The following ZGRF1 variants were observed in gnomAD, a reference collection of about 807,000 sequenced individuals.
ZGRF1 encodes the protein 5'-3' DNA helicase ZGRF1.
In ZGRF1, 196 loss-of-function variants were observed where a neutral mutation model predicts 203.5. That is an observed-to-expected ratio of 0.96 (90% CI 0.86 to 1.08). ZGRF1 has a LOEUF of 1.08. Among genes scored for constraint, ZGRF1 ranks in the 50% least tolerant of loss-of-function variants. ZGRF1 has a pLI of 0.00. For missense variants in ZGRF1, 2,326 were observed against 2,416.3 expected (o/e 0.96, Z 0.78); for synonymous variants, 809 against 841.3 (o/e 0.96, Z 0.66).
intron 17 of ZGRF1, among the ~76,000 whole-genome samples, 200 bp from the exon 18 acceptor site, chr4:112,562,685 T>G (rs1373516512): frequency 6.6e-6 from 1 of 152,218 alleles, no homozygotes; most frequent in East Asian, 1.9e-4. Flanking sequence ...TTATAATGGG[T>G]ATGCATAAAC....
chr4:112,553,960 CAT>C lies in ZGRF1; in HGVS notation c.5219_5220del (p.Asn1740ArgfsTer3). 1 of 1,608,728 alleles carries C rather than the reference CAT, an allele frequency of 6.2e-7. No homozygotes were observed. The highest frequency in any genetic ancestry group is 8.5e-7 in the Non-Finnish European group (1 of 1,178,634). ...TGTAGTTCTTTTAACTGTTCACTTTCATTTTCTGAGCCAGCATGCAAGCTAAA... is the reference window on the plus strand; with the variant it reads ...TGTAGTTCTTTTAACTGTTCACTTTCTTTCTGAGCCAGCATGCAAGCTAAA... The part of the protein sequence containing the change: ...LPYSLHAGSE[N>X]ESEQLKELHA... On this transcript the variant is annotated frameshift_variant, in exon 22 of 28. Transcript: ENST00000505019. LOFTEE classifies it high-confidence loss of function.
rs1470620138 is a variant in ZGRF1, at chr4:112,579,720, G to A, written c.4438+1943C>T. ...CCTAGGAATCCAACTTACAAGGGAC[G>A]TGAAGGACCTCTTCAAGGAGAACTA... On this transcript the variant is annotated intron_variant, in intron 16 of 27. Transcript: ENST00000505019. 6.6e-5 allele frequency among the ~76,000 whole-genome samples: 8 copies of A among 121,032 alleles called. 2 individuals carry two copies. Among genetic ancestry groups the A allele is most frequent in the East Asian group, 4.9e-4 (2 of 4,090 alleles). 79.4% of individuals were successfully genotyped at this position (121,032 alleles called of 152,430 possible).
Position 112,618,297 on chromosome 4 carries a change from TCA to T in ZGRF1, c.1743_1744del (p.Cys581Ter), listed in dbSNP as rs766132205. 30 of 1,613,820 alleles carry T rather than the reference TCA, an allele frequency of 1.9e-5. No individual in the cohort carries two copies. Among genetic ancestry groups the T allele is most frequent in the Non-Finnish European group, 2.4e-5 (28 of 1,179,906 alleles). The stretch of plus-strand genomic sequence containing the variant: ...TGGCAAATGTTCACCCTCAATCTCT[TCA>T]CAGTTTGTATTCTCAGACCTCTTTT... On this transcript the variant is annotated stop_gained and frameshift_variant, in exon 6 of 28. Transcript: ENST00000505019. LOFTEE classifies it high-confidence loss of function.
rs1207619216 is a variant in ZGRF1 at position 112,618,543 on chromosome 4, G to A, written c.1499C>T (p.Thr500Ile). Residue 500 changes from threonine (T) to isoleucine (I), a missense_variant, in exon 6 of 28, where the codon ACA (threonine) becomes ATA (isoleucine). Transcript: ENST00000505019. The part of the protein sequence containing the change: ...SNNSRISDDI[T>I]DMISESKMDN... ...CATTTTACTTTCAGAAATCATGTCT[G>A]TAATGTCATCAGAGATCCTAGAATT... The A allele has an allele frequency of 2.5e-6, 4 of 1,613,140 alleles. No homozygotes were observed. The Admixed American group carries it at 6.7e-5, about 27-fold the overall frequency.
intron 22 of ZGRF1, among the ~76,000 whole-genome samples, chr4:112,553,184 T>C (rs1740276234): frequency 6.6e-6 from 1 of 152,346 alleles, no homozygotes; most frequent in Non-Finnish European, 1.5e-5. Flanking sequence ...TTTCTTTTAC[T>C]CCATCCCCAT....
chr4:112,608,710 C>T (rs542218641), intron 8 of ZGRF1, among the ~76,000 whole-genome samples: 1 of 152,086 alleles, frequency 6.6e-6, no homozygotes, highest in African/African-American at 2.4e-5. Flanking sequence ...TTTGTAGTTG[C>T]CAATTGTTTA....
intron 3 of ZGRF1, among the ~76,000 whole-genome samples, chr4:112,626,687 A>G (rs557725019): frequency 1.3e-5 from 2 of 152,326 alleles, no homozygotes; most frequent in East Asian, 3.9e-4. Context: ...AATACCATCT[A>G]AAAGCCAAGG....
At chr4:112,626,093 G>A (rs1315363910) in intron 3 of ZGRF1, among the ~76,000 whole-genome samples, 1 of 152,074 alleles carries the variant, frequency 6.6e-6, no homozygotes, top group Non-Finnish European at 1.5e-5. Flanking sequence ...TTTGCATAGG[G>A]CTGGGGGCTG....
intron 16 of ZGRF1, among the ~76,000 whole-genome samples, chr4:112,576,381 C>A (rs1011061468): frequency 6.6e-6 from 1 of 152,204 alleles, no homozygotes; most frequent in Non-Finnish European, 1.5e-5. Flanking sequence ...CTCTCCTCCT[C>A]CAAAGGAACG....
intron 2 of ZGRF1, among the ~76,000 whole-genome samples, chr4:112,632,792 G>A (rs2047454515): frequency 6.6e-6 from 1 of 152,124 alleles, no homozygotes; most frequent in Non-Finnish European, 1.5e-5. Flanking sequence ...TACAGAAGAC[G>A]GATGCCAGTT....
intron 19 of ZGRF1, among the ~76,000 whole-genome samples, chr4:112,560,302 T>C (rs1741722088): frequency 6.6e-6 from 1 of 152,186 alleles, no homozygotes; most frequent in Admixed American, 6.5e-5. Context: ...CAGTTTCTGT[T>C]ATGACCTCCA....
chr4:112,583,149 G>A (rs1340619086), intron 15 of ZGRF1, among the ~76,000 whole-genome samples: 4 of 152,048 alleles, frequency 2.6e-5, no homozygotes, highest in East Asian at 1.9e-4. Flanking sequence ...TAATTCATGC[G>A]AAGTGCCTAG....
chr4:112,547,994 T>G (rs62316566), intron 23 of ZGRF1, among the ~76,000 whole-genome samples: 1 of 152,008 alleles, frequency 6.6e-6, no homozygotes. Context: ...CAGGCTGGAG[T>G]GCAGTCGTTC....
In ZGRF1 at chr4:112,623,810, A is replaced by G. The variant is rs1231654053; in HGVS notation, c.162+7T>C. Reference sequence around the variant, plus strand: ...AACTTAAAAATAAGATAAACACACTAAAATACCTCAAGGCATTTAAGAAAC... The same window carrying G: ...AACTTAAAAATAAGATAAACACACTGAAATACCTCAAGGCATTTAAGAAAC... On this transcript the variant is annotated splice_region_variant and intron_variant, in intron 4 of 27. Transcript: ENST00000505019. 1.3e-6 allele frequency: 2 copies of G among 1,484,544 alleles called. No homozygotes were observed. The highest frequency in any genetic ancestry group is 1.7e-4 in the Middle Eastern group (1 of 5,790). The allele number at this position is 1,484,544 out of a possible 1,614,324, so 92.0% of individuals were successfully genotyped here.
chr4:112,634,384 G>C (rs186541181), intron 1 of ZGRF1, among the ~76,000 whole-genome samples: 109 of 152,248 alleles, frequency 7.2e-4, no homozygotes, highest in African/African-American at 2.4e-3. Flanking sequence ...AACAAGAATT[G>C]CAGGCCTGTG....
intron 24 of ZGRF1, among the ~76,000 whole-genome samples, chr4:112,547,036 G>A (rs1332626145): frequency 6.6e-6 from 1 of 151,808 alleles, no homozygotes; most frequent in Non-Finnish European, 1.5e-5. Context: ...AGGTTTTTTT[G>A]GTTTTAGAGC....
At chr4:112,566,760 G>A (rs546164387) in intron 16 of ZGRF1, among the ~76,000 whole-genome samples, 2 of 152,014 alleles carry the variant, frequency 1.3e-5, no homozygotes, top group East Asian at 3.9e-4. Context: ...TTGTGTCCCT[G>A]AAGTGATTTT....
chr4:112,560,599 G>T, intron 19 of ZGRF1, 134 bp downstream of exon 19: 1 of 707,208 alleles, frequency 1.4e-6, no homozygotes. Context: ...TTACCAAAGT[G>T]GGTACAGGTT....
rs1481340019 is a variant in ZGRF1, at chr4:112,609,403, T to G, written c.2694A>C (p.Leu898=). Residue 898 remains leucine (L), a synonymous_variant, in exon 8 of 28, where the codon CTA becomes CTC. Transcript: ENST00000505019. The part of the protein sequence containing the change: ...QQILKEDEVE[L]SEPLQSVQFS... The stretch of plus-strand genomic sequence containing the variant: ...CCTGCACAGACTGAAGTGGTTCACT[T>G]AGTTCAACTTCATCTTCTTTTAGTA... 6.3e-7 allele frequency: 1 copy of G among 1,579,266 alleles called. No homozygotes were observed. The highest frequency in any genetic ancestry group is 1.4e-5 in the African/African-American group (1 of 73,944).
Sources: gnomAD v4.1 joint callset for allele counts (sites outside exome capture counted in the v4.1 genomes callset) on GRCh38, gnomAD v4.1.1 for gene constraint, MANE v1.5 for transcripts, NCBI Gene and HGNC (gene_info 2026-07-23, HGNC 2026-07-21) for gene names.